The following CTIF variants were observed in gnomAD, a reference collection of about 807,000 sequenced individuals.
CTIF encodes cap binding complex dependent translation initiation factor, also known as CBP80/20-dependent translation initiation factor.
A neutral mutation model predicts 66.0 loss-of-function variants in CTIF; 21 were observed. The observed-to-expected ratio is 0.32, with a 90% CI of 0.23 to 0.46. The LOEUF is 0.46. CTIF is among the 20% of genes least tolerant of loss of function. The probability of loss-of-function intolerance (pLI) is 1.00; values close to 1 mark genes in which losing one functional copy is unlikely to be tolerated. For missense variants in CTIF, 739 were observed against 812.7 expected (o/e 0.91, Z 1.10); for synonymous variants, 345 against 326.4 (o/e 1.06, Z -0.62).
chr18:48,583,238 C>A (rs2089698522), intron 1 of CTIF, among the ~76,000 whole-genome samples: 1 of 152,112 alleles, frequency 6.6e-6, no homozygotes, highest in Non-Finnish European at 1.5e-5. Flanking sequence ...GTGCTTTGGC[C>A]CTAAGAGTCT....
intron 10 of CTIF, among the ~76,000 whole-genome samples, chr18:48,832,773 G>A (rs973959610): frequency 6.6e-6 from 1 of 152,188 alleles, no homozygotes; most frequent in Non-Finnish European, 1.5e-5. Context: ...CTTAGGAAAC[G>A]CAAACACACT....
At chr18:48,719,279 C>T in intron 7 of CTIF, among the ~76,000 whole-genome samples, 1 of 152,234 alleles carries the variant, frequency 6.6e-6, no homozygotes, top group Non-Finnish European at 1.5e-5. Flanking sequence ...AAGTGCCTCT[C>T]GACATCCCTC....
chr18:48,589,486 A>T (rs2089843048), intron 1 of CTIF, among the ~76,000 whole-genome samples: 1 of 152,202 alleles, frequency 6.6e-6, no homozygotes. Flanking sequence ...ACTTGTTTAC[A>T]TCTATAAAGA....
intron 10 of CTIF, among the ~76,000 whole-genome samples, chr18:48,850,848 T>A (rs943146159): frequency 2.6e-4 from 39 of 152,130 alleles, no homozygotes. Context: ...GAATCCACTC[T>A]CAAAAGCCAG....
chr18:48,684,833 C>G (rs1018559334), intron 6 of CTIF, among the ~76,000 whole-genome samples: 1 of 152,154 alleles, frequency 6.6e-6, no homozygotes, highest in Admixed American at 6.5e-5. Flanking sequence ...CACAGTGCCA[C>G]TTTACACCTA....
At chr18:48,700,478 T>TC (rs1366194102) in intron 6 of CTIF, among the ~76,000 whole-genome samples, 5 of 152,116 alleles carry the variant, frequency 3.3e-5, no homozygotes, top group Non-Finnish European at 5.9e-5. Flanking sequence ...CTTGGAGGCT[T>TC]CCCCCCGGCA....
At chr18:48,574,676 C>T (rs2089490531) in intron 1 of CTIF, among the ~76,000 whole-genome samples, 1 of 152,192 alleles carries the variant, frequency 6.6e-6, no homozygotes. Flanking sequence ...AAAGCAAAAG[C>T]TGCTAGACCC....
rs2146708732 is a variant in CTIF at position 48,861,758 on chromosome 18, G to A, written c.*2199G>A. 6.6e-6 allele frequency: 1 copy of A among 152,416 alleles called. No individual in the cohort carries two copies. Among genetic ancestry groups the A allele is most frequent in the Middle Eastern group, 3.4e-3 (1 of 294 alleles). The allele number at this position is 152,416 out of a possible 1,614,324, so 9.4% of individuals were successfully genotyped here. A position where few individuals can be genotyped will look rare whatever the true frequency, so the allele number is the denominator to read the frequency against. On this transcript the variant is annotated 3_prime_UTR_variant, in exon 12 of 12. Coordinates refer to ENST00000256413, the MANE Select transcript of CTIF (RefSeq NM_014772.3). ...GGGGGCTGTGTTGTGGGCACCTTGG[G>A]GCCTGATTCTCCTTCCTCCGAACGG...
At chr18:48,800,554 T>G (rs991472250) in intron 9 of CTIF, among the ~76,000 whole-genome samples, 1 of 152,164 alleles carries the variant, frequency 6.6e-6, no homozygotes, top group African/African-American at 2.4e-5. Flanking sequence ...CTGGCCAAGG[T>G]GTGGGAGGTC....
Position 48,860,105 on chromosome 18 carries a change from T to C in CTIF, c.*546T>C. 2.7e-6 allele frequency: 1 copy of C among 376,888 alleles called. No homozygotes were observed. The highest frequency in any genetic ancestry group is 1.9e-5 in the South Asian group (1 of 52,668). 23.3% of individuals were successfully genotyped at this position (376,888 alleles called of 1,614,324 possible). The stretch of plus-strand genomic sequence containing the variant: ...CACGGTCCCCACCAGCCGCCCGTAA[T>C]TGACGGCCTTTGTCAGCCATGGCAG... On this transcript the variant is annotated 3_prime_UTR_variant, in exon 12 of 12. Coordinates refer to ENST00000256413, the MANE Select transcript of CTIF (RefSeq NM_014772.3).
chr18:48,647,835 C>A (rs2144735094), intron 3 of CTIF, among the ~76,000 whole-genome samples: 1 of 152,238 alleles, frequency 6.6e-6, no homozygotes, highest in East Asian at 1.9e-4. Context: ...GAGCTCTCAG[C>A]CTCTCCTGTC....
chr18:48,603,844 G>A (rs1207616873), intron 1 of CTIF, among the ~76,000 whole-genome samples: 1 of 144,212 alleles, frequency 6.9e-6, no homozygotes, highest in East Asian at 1.9e-4. Context: ...CCTAGACTCA[G>A]TGAAATTTTT....
chr18:48,820,053 A>G (rs2068450681), intron 10 of CTIF, among the ~76,000 whole-genome samples: 2 of 152,198 alleles, frequency 1.3e-5, no homozygotes, highest in Non-Finnish European at 2.9e-5. Flanking sequence ...GGGGCTGAGC[A>G]CATGCCTAAT....
intron 9 of CTIF, among the ~76,000 whole-genome samples, chr18:48,799,336 A>G (rs1318022887): frequency 1.3e-5 from 2 of 152,172 alleles, no homozygotes; most frequent in East Asian, 3.9e-4. Context: ...ACTGAGGCCC[A>G]GTGGGGTAAA....
intron 7 of CTIF, among the ~76,000 whole-genome samples, chr18:48,740,782 T>A (rs1272037006): frequency 1.3e-5 from 2 of 152,194 alleles, no homozygotes; most frequent in Non-Finnish European, 2.9e-5. Flanking sequence ...GACCTCTGCC[T>A]ACCCGTGGTC....
intron 10 of CTIF, among the ~76,000 whole-genome samples, chr18:48,850,950 A>G (rs2069186384): frequency 1.3e-5 from 2 of 152,238 alleles, no homozygotes; most frequent in Non-Finnish European, 1.5e-5. Context: ...ACTGGGAGGG[A>G]CAAGTAAGAT....
At chr18:48,751,504 C>A (rs532202296) in intron 7 of CTIF, among the ~76,000 whole-genome samples, 1 of 152,232 alleles carries the variant, frequency 6.6e-6, no homozygotes, top group African/African-American at 2.4e-5. Flanking sequence ...ACCTCCCCTC[C>A]CCAGACCACA....
chr18:48,772,248 G>C (rs1236578787), intron 9 of CTIF, among the ~76,000 whole-genome samples: 1 of 152,214 alleles, frequency 6.6e-6, no homozygotes, highest in African/African-American at 2.4e-5. Flanking sequence ...TGGCCACAGA[G>C]GAGGAAGAGG....
chr18:48,812,312 A>G (rs1215495074), intron 9 of CTIF, among the ~76,000 whole-genome samples: 1 of 152,106 alleles, frequency 6.6e-6, no homozygotes, highest in African/African-American at 2.4e-5. Context: ...TTTTAAGATA[A>G]ACATGTAGGA....
Sources: allele counts gnomAD v4.1 joint callset (sites outside exome capture counted in the v4.1 genomes callset), GRCh38; gene constraint gnomAD v4.1.1; transcripts MANE v1.5; gene names NCBI Gene and HGNC (gene_info 2026-07-23, HGNC 2026-07-21).